TENM1: variants seen among roughly 807,000 people sequenced by gnomAD.
TENM1 encodes the protein teneurin transmembrane protein 1.
TENM1 carries 35 observed loss-of-function variants against 174.8 expected under a neutral mutation model. The observed-to-expected ratio is 0.20, with a 90% CI of 0.15 to 0.27. The LOEUF (loss-of-function observed/expected upper bound fraction) is 0.27. Ranked by LOEUF, TENM1 falls within the 10% of genes least tolerant of loss-of-function variation. The pLI is 1.00. For synonymous variants in TENM1, 781 were observed against 798.7 expected (o/e 0.98, Z 0.37); for missense variants, 1,633 against 2,130.1 (o/e 0.77, Z 4.59).
intron 3 of TENM1, among the ~76,000 whole-genome samples, chrX:124,765,359 T>C (rs1282625052): frequency 8.9e-6 from 1 of 112,239 alleles, no homozygotes; most frequent in Non-Finnish European, 1.9e-5. Context: ...TGTATTTGTA[T>C]ACTTGTTTTA....
chrX:124,597,520 G>C (rs766406336), intron 11 of TENM1, among the ~76,000 whole-genome samples: 1 of 110,758 alleles, frequency 9.0e-6, no homozygotes, highest in South Asian at 3.9e-4. Flanking sequence ...GGGACTTGAG[G>C]GGAAGGGTGG....
At chrX:125,006,322 C>G in the TENM1 span, among the ~76,000 whole-genome samples, 2 of 111,957 alleles carry the variant, frequency 1.8e-5, no homozygotes, top group East Asian at 5.7e-4. Flanking sequence ...TAGATTCCCC[C>G]TCATTAGGCA....
exon 4 of TENM1, chrX:124,737,029 G>T: frequency 8.3e-7 from 1 of 1,211,562 alleles, no homozygotes; most frequent in Non-Finnish European, 1.1e-6. Context: ...CGTGCTGGTT[G>T]GGGGAGCTGG....
the TENM1 span, among the ~76,000 whole-genome samples, chrX:125,125,433 T>C: frequency 8.9e-6 from 1 of 112,093 alleles, no homozygotes; most frequent in Non-Finnish European, 1.9e-5. Context: ...TTATTAAAAA[T>C]AACCTCTCGC....
chrX:124,396,986 T>G (rs1280520696), intron 27 of TENM1, among the ~76,000 whole-genome samples: 1 of 111,703 alleles, frequency 9.0e-6, no homozygotes, highest in East Asian at 2.8e-4. Flanking sequence ...AGGTTTTTAA[T>G]AAGGGAAGAT....
intron 3 of TENM1, among the ~76,000 whole-genome samples, chrX:124,882,653 T>A (rs763445241): frequency 8.9e-6 from 1 of 112,559 alleles, no homozygotes; most frequent in South Asian, 3.6e-4. Flanking sequence ...ATTTTTAGTA[T>A]TTTTGACATA....
chrX:124,506,921 A>T (rs755595115), intron 18 of TENM1, among the ~76,000 whole-genome samples: 1 of 111,648 alleles, frequency 9.0e-6, no homozygotes, highest in South Asian at 3.8e-4. Flanking sequence ...TGGCACTGAA[A>T]ACCCTGTCTT....
the TENM1 span, among the ~76,000 whole-genome samples, chrX:125,120,371 G>A: frequency 4.0e-4 from 44 of 110,728 alleles, 1 homozygote; most frequent in Admixed American, 4.0e-3. Flanking sequence ...TTGTTACATA[G>A]GTAAGCATGT....
At chrX:124,723,275 T>C (rs973916901) in intron 4 of TENM1, among the ~76,000 whole-genome samples, 1 of 112,264 alleles carries the variant, frequency 8.9e-6, no homozygotes, top group Non-Finnish European at 1.9e-5. Flanking sequence ...AAATTTATAA[T>C]TGATAGAGTC....
At chrX:124,842,495 C>T in intron 3 of TENM1, among the ~76,000 whole-genome samples, 1 of 111,599 alleles carries the variant, frequency 9.0e-6, no homozygotes. Flanking sequence ...AAGAAAACAC[C>T]ACAGACTGGG....
intron 3 of TENM1, among the ~76,000 whole-genome samples, chrX:124,758,957 C>G (rs1422782549): frequency 9.0e-6 from 1 of 111,168 alleles, no homozygotes; most frequent in African/African-American, 3.3e-5. Context: ...ATTTGCTATA[C>G]AAAAATGTAC....
chrX:124,395,647 C>CTGTATATG lies in TENM1; in HGVS notation c.5392-3300_5392-3299insCATATACA, dbSNP rs750919107. On this transcript the variant is annotated intron_variant, in intron 27 of 31. Coordinates refer to ENST00000422452, the Ensembl canonical transcript of TENM1. ...ATATACAGCCACCTGTTGTTATGTG[C>CTGTATATG]TTATGTGTTGTTATGTGCACCTAAA... 1.2e-4 allele frequency among the ~76,000 whole-genome samples: 13 copies of CTGTATATG among 111,591 alleles called. No homozygotes were observed. In the South Asian group the frequency reaches 4.9e-3, roughly 42 times the overall value.
At chrX:124,811,458 A>G (rs762597827) in intron 3 of TENM1, among the ~76,000 whole-genome samples, 1 of 111,618 alleles carries the variant, frequency 9.0e-6, no homozygotes, top group African/African-American at 3.3e-5. Flanking sequence ...TAAAACCACA[A>G]TGAGATATCA....
the TENM1 span, among the ~76,000 whole-genome samples, chrX:125,125,879 G>A: frequency 8.9e-6 from 1 of 111,955 alleles, no homozygotes; most frequent in African/African-American, 3.3e-5. Context: ...TTACTTTCCA[G>A]CCAACAAGAA....
At chrX:124,519,818 T>C (rs2047800439) in intron 18 of TENM1, among the ~76,000 whole-genome samples, 1 of 111,753 alleles carries the variant, frequency 8.9e-6, no homozygotes, top group African/African-American at 3.3e-5. Flanking sequence ...TATATGAAAT[T>C]ATGGTAGTGG....
At chrX:125,189,663 A>G in the TENM1 span, among the ~76,000 whole-genome samples, 1 of 111,913 alleles carries the variant, frequency 8.9e-6, no homozygotes, top group Middle Eastern at 4.6e-3. Context: ...CTTATAACAA[A>G]ACGGTCAGCA....
intron 4 of TENM1, among the ~76,000 whole-genome samples, chrX:124,708,620 T>C (rs776553518): frequency 1.8e-5 from 2 of 111,159 alleles, no homozygotes; most frequent in Non-Finnish European, 3.8e-5. Context: ...TCATTACAAA[T>C]TGCGTGGCAA....
chrX:124,385,110 C>T (rs1288011691), intron 29 of TENM1, among the ~76,000 whole-genome samples: 1 of 112,236 alleles, frequency 8.9e-6, no homozygotes, highest in Non-Finnish European at 1.9e-5. Context: ...GAAGTAATAA[C>T]ACATCCAGTA....
At chrX:124,763,287 G>A (rs2054464106) in intron 3 of TENM1, among the ~76,000 whole-genome samples, 1 of 111,097 alleles carries the variant, frequency 9.0e-6, no homozygotes, top group Non-Finnish European at 1.9e-5. Context: ...ACGAGGGAAT[G>A]GCAGAGCAGC....
Sources: gnomAD v4.1 joint callset for allele counts (sites outside exome capture counted in the v4.1 genomes callset) on GRCh38, gnomAD v4.1.1 for gene constraint, MANE v1.5 for transcripts, NCBI Gene and HGNC (gene_info 2026-07-23, HGNC 2026-07-21) for gene names.